The following MIA2 variants were observed in gnomAD, a reference collection of about 807,000 sequenced individuals.
MIA2 encodes melanoma inhibitory activity protein 2.
In MIA2, 127 loss-of-function variants were observed where a neutral mutation model predicts 167.8. The ratio of observed to expected loss-of-function variants is 0.76; its 90% CI spans 0.66 to 0.88. The LOEUF is 0.88. Ranked by LOEUF, MIA2 falls within the 40% of genes least tolerant of loss-of-function variation. The pLI, the probability that MIA2 is intolerant of heterozygous loss-of-function variation, is 0.00. For synonymous variants in MIA2, 552 were observed against 541.9 expected (o/e 1.02, Z -0.26); for missense variants, 1,690 against 1,624.7 (o/e 1.04, Z -0.69).
exon 24 of MIA2, chr14:39,387,070 A>G: frequency 1.5e-6 from 1 of 662,654 alleles, no homozygotes; most frequent in East Asian, 2.9e-5. Flanking sequence ...AATCAAATTG[A>G]AGCCTTGGCC....
chr14:39,280,273 A>G (rs949545914), intron 9 of MIA2, among the ~76,000 whole-genome samples: 9 of 151,262 alleles, frequency 5.9e-5, no homozygotes, highest in Admixed American at 3.3e-4. Context: ...AAGCCTTAGT[A>G]TCTGGTATGG....
intron 6 of MIA2, among the ~76,000 whole-genome samples, chr14:39,268,111 T>A (rs1183392755): frequency 1.3e-5 from 2 of 152,328 alleles, no homozygotes; most frequent in Middle Eastern, 3.4e-3. Context: ...ATTTTGTTTT[T>A]TATTTTTCAG....
Position 39,342,387 on chromosome 14 carries a change from A to G in MIA2, c.3656-3517A>G, listed in dbSNP as rs370547505. On this transcript the variant is annotated intron_variant, in intron 25 of 28. Coordinates refer to ENST00000640607, the MANE Select transcript of MIA2 (RefSeq NM_001329214.4). The stretch of plus-strand genomic sequence containing the variant: ...TAGTATTCCATGGTGTATATGTGCC[A>G]CATTTTCTTAATCCAGTCTATCGTT... Among the ~76,000 whole-genome samples, 1,078 of 152,260 alleles carry G rather than the reference A, an allele frequency of 7.1e-3. 11 individuals are homozygous for G. Among genetic ancestry groups the G allele is most frequent in the African/African-American group, 0.02 (825 of 41,534 alleles).
intron 4 of MIA2, among the ~76,000 whole-genome samples, chr14:39,250,184 G>T (rs1280155928): frequency 6.6e-6 from 1 of 152,154 alleles, no homozygotes; most frequent in African/African-American, 2.4e-5. Flanking sequence ...AAATCCAGAT[G>T]ATTCCAAAGA....
intron 9 of MIA2, among the ~76,000 whole-genome samples, chr14:39,285,712 C>A (rs2059648899): frequency 6.6e-6 from 1 of 151,988 alleles, no homozygotes; most frequent in Non-Finnish European, 1.5e-5. Context: ...GGAGACGCTC[C>A]TCACTTCCCA....
At chr14:39,328,203 A>C (rs1417849446) in intron 25 of MIA2, among the ~76,000 whole-genome samples, 1 of 151,964 alleles carries the variant, frequency 6.6e-6, no homozygotes, top group Non-Finnish European at 1.5e-5. Context: ...TTTGATTTGC[A>C]TTTCTCTAAT....
intron 9 of MIA2, among the ~76,000 whole-genome samples, chr14:39,283,113 T>C (rs925922862): frequency 3.3e-5 from 5 of 152,236 alleles, no homozygotes; most frequent in African/African-American, 1.2e-4. Flanking sequence ...TGTAAATATA[T>C]ACCACAGTTT....
At chr14:39,361,970 T>G (rs1202872706) in intron 23 of MIA2, among the ~76,000 whole-genome samples, 2 of 152,244 alleles carry the variant, frequency 1.3e-5, no homozygotes. Flanking sequence ...CTTCATTCTG[T>G]TCATATGATG....
intron 2 of MIA2, 27 bp from the exon 3 acceptor site, chr14:39,240,534 G>A (rs747761296): frequency 4.5e-6 from 7 of 1,547,620 alleles, no homozygotes; most frequent in Middle Eastern, 1.7e-4. Context: ...ATTCTTCCTC[G>A]ATAATCTTTG....
At chr14:39,311,977 G>A (rs375234610) in intron 18 of MIA2, among the ~76,000 whole-genome samples, 3 of 150,612 alleles carry the variant, frequency 2.0e-5, no homozygotes, top group South Asian at 2.1e-4. Context: ...TTACAGGTGC[G>A]CGCCACCATG....
intron 23 of MIA2, among the ~76,000 whole-genome samples, chr14:39,373,025 G>A (rs2074977786): frequency 6.6e-6 from 1 of 152,142 alleles, no homozygotes; most frequent in South Asian, 2.1e-4. Context: ...AAGAGTTAGA[G>A]CCGTCCCTAG....
chr14:39,281,214 C>T (rs954905665), intron 9 of MIA2, among the ~76,000 whole-genome samples: 3 of 152,130 alleles, frequency 2.0e-5, no homozygotes, highest in Admixed American at 6.5e-5. Context: ...TGTGAGCCAC[C>T]GTGCTCTACC....
At chr14:39,339,227 C>T (rs2071210149) in intron 25 of MIA2, among the ~76,000 whole-genome samples, 1 of 152,180 alleles carries the variant, frequency 6.6e-6, no homozygotes, top group Non-Finnish European at 1.5e-5. Context: ...TCACCTCCTG[C>T]TGTGCAAACA....
intron 25 of MIA2, among the ~76,000 whole-genome samples, chr14:39,337,640 A>C (rs1423099748): frequency 6.6e-6 from 1 of 152,244 alleles, no homozygotes; most frequent in African/African-American, 2.4e-5. Context: ...GATACATGCA[A>C]CAATTTGGAT....
At chr14:39,309,959 T>TA (rs1235008401) in intron 18 of MIA2, among the ~76,000 whole-genome samples, 2 of 145,820 alleles carry the variant, frequency 1.4e-5, no homozygotes, top group African/African-American at 2.6e-5. Context: ...TTTTTTTTTT[T>TA]ATCATAAAGG....
At chr14:39,364,014 G>A (rs75874301) in intron 23 of MIA2, among the ~76,000 whole-genome samples, 1,825 of 152,268 alleles carry the variant, frequency 0.012, 35 homozygotes, top group African/African-American at 0.041. Flanking sequence ...TAATCTCTCT[G>A]TGTTCTAGGT....
intron 10 of MIA2, chr14:39,292,855 C>T (rs1207709869): frequency 5.2e-5 from 9 of 172,036 alleles, no homozygotes; most frequent in Non-Finnish European, 9.9e-5. Context: ...TTTTTTATGT[C>T]ATGCCTTTAA....
intron 1 of MIA2, 29 bp from the exon 2 acceptor site, chr14:39,236,893 G>A (rs1435829779): frequency 1.9e-6 from 3 of 1,579,726 alleles, no homozygotes; most frequent in African/African-American, 2.7e-5. Context: ...AATTTAAAGT[G>A]TGTATTTTTC....
chr14:39,282,429 T>G (rs1159639341), intron 9 of MIA2, among the ~76,000 whole-genome samples: 2 of 152,132 alleles, frequency 1.3e-5, no homozygotes, highest in Non-Finnish European at 2.9e-5. Context: ...ACGTATTCTT[T>G]CTCTCTCATA....
Sources: gnomAD v4.1 joint callset for allele counts (sites outside exome capture counted in the v4.1 genomes callset) on GRCh38, gnomAD v4.1.1 for gene constraint, MANE v1.5 for transcripts, NCBI Gene and HGNC (gene_info 2026-07-23, HGNC 2026-07-21) for gene names.